Variants in UBE2E2 observed in about 807,000 individuals in gnomAD.
UBE2E2 encodes the protein ubiquitin-conjugating enzyme E2 E2.
In UBE2E2, 6 loss-of-function variants were observed where a neutral mutation model predicts 24.7. The observed-to-expected ratio is 0.24, with a 90% CI of 0.13 to 0.48. UBE2E2 has a LOEUF of 0.48. Ranked by LOEUF, UBE2E2 falls within the 20% of genes least tolerant of loss-of-function variation. UBE2E2 has a pLI of 0.99. For missense variants in UBE2E2, 169 were observed against 245.0 expected (o/e 0.69, Z 2.07); for synonymous variants, 104 against 83.6 (o/e 1.24, Z -1.33).
chr3:23,221,336 T>C (rs1011200401), intron 3 of UBE2E2, among the ~76,000 whole-genome samples: 1 of 152,230 alleles, frequency 6.6e-6, no homozygotes, highest in Non-Finnish European at 1.5e-5. Flanking sequence ...AATTCACTTA[T>C]ACTTTTAGGT....
chr3:23,342,278 G>A (rs1488254644), intron 3 of UBE2E2, among the ~76,000 whole-genome samples: 1 of 151,078 alleles, frequency 6.6e-6, no homozygotes, highest in African/African-American at 2.4e-5. Context: ...TCAAGCCCCT[G>A]GGCCCAAGTG....
chr3:23,237,560 G>T (rs961994429), intron 3 of UBE2E2, among the ~76,000 whole-genome samples: 2 of 151,866 alleles, frequency 1.3e-5, no homozygotes, highest in African/African-American at 4.8e-5. Context: ...GAGATCACAT[G>T]GACTCTTTTA....
chr3:23,211,972 A>G (rs1178467682), intron 2 of UBE2E2, among the ~76,000 whole-genome samples: 1 of 152,224 alleles, frequency 6.6e-6, no homozygotes, highest in Non-Finnish European at 1.5e-5. Flanking sequence ...TTGTTAAACT[A>G]GAAATACTCA....
intron 3 of UBE2E2, among the ~76,000 whole-genome samples, chr3:23,328,054 A>C (rs1272631556): frequency 3.0e-5 from 4 of 133,870 alleles, no homozygotes; most frequent in Non-Finnish European, 6.6e-5. Context: ...TAAACAGAGC[A>C]GTGGTCATGA....
At chr3:23,578,450 A>G (rs1447489214) in intron 5 of UBE2E2, among the ~76,000 whole-genome samples, 1 of 152,216 alleles carries the variant, frequency 6.6e-6, no homozygotes, top group Non-Finnish European at 1.5e-5. Flanking sequence ...AGGAAAATAA[A>G]TTATTTTGTT....
chr3:23,565,989 G>T (rs1696064806), intron 5 of UBE2E2, among the ~76,000 whole-genome samples: 1 of 152,134 alleles, frequency 6.6e-6, no homozygotes. Context: ...TTTGAACTTA[G>T]AGAGATGGAA....
chr3:23,410,985 G>A (rs1179789231), intron 3 of UBE2E2, among the ~76,000 whole-genome samples: 1 of 151,568 alleles, frequency 6.6e-6, no homozygotes, highest in Non-Finnish European at 1.5e-5. Context: ...CTCAAACTAG[G>A]GTATAGTTTG....
chr3:23,417,375 G>A (rs892739099), intron 3 of UBE2E2, among the ~76,000 whole-genome samples: 10 of 152,194 alleles, frequency 6.6e-5, no homozygotes, highest in African/African-American at 1.9e-4. Flanking sequence ...TATCATCAGC[G>A]GAGGCTGCAG....
chr3:23,464,212 G>T (rs1415174439), intron 3 of UBE2E2, among the ~76,000 whole-genome samples: 1 of 151,960 alleles, frequency 6.6e-6, no homozygotes, highest in African/African-American at 2.4e-5. Context: ...AGTATTTTAC[G>T]GTAGATTGGC....
chr3:23,424,948 C>G (rs145920318), intron 3 of UBE2E2, among the ~76,000 whole-genome samples: 1 of 152,214 alleles, frequency 6.6e-6, no homozygotes, highest in South Asian at 2.1e-4. Flanking sequence ...ATTGTTTCAT[C>G]CTTTTCTACT....
chr3:23,562,240 C>T (rs1695951666), intron 5 of UBE2E2, among the ~76,000 whole-genome samples: 1 of 151,956 alleles, frequency 6.6e-6, no homozygotes, highest in Non-Finnish European at 1.5e-5. Flanking sequence ...TGAGATACGT[C>T]CCATCAATAC....
chr3:23,459,823 C>T (rs1229463419), intron 3 of UBE2E2, among the ~76,000 whole-genome samples: 3 of 152,082 alleles, frequency 2.0e-5, no homozygotes, highest in Non-Finnish European at 4.4e-5. Context: ...GAATGAAGCC[C>T]CCTTTTCTTA....
chr3:23,444,307 G>T (rs1300639483), intron 3 of UBE2E2, among the ~76,000 whole-genome samples: 1 of 151,938 alleles, frequency 6.6e-6, no homozygotes, highest in East Asian at 1.9e-4. Context: ...TCTTGTGGTG[G>T]TCCAGATTGA....
intron 5 of UBE2E2, among the ~76,000 whole-genome samples, chr3:23,579,987 G>A (rs903786260): frequency 2.6e-5 from 4 of 152,178 alleles, no homozygotes; most frequent in African/African-American, 9.7e-5. Flanking sequence ...ACTAGAATTA[G>A]AGTAGTACCT....
chr3:23,270,550 G>A (rs1398263931), intron 3 of UBE2E2, among the ~76,000 whole-genome samples: 1 of 152,088 alleles, frequency 6.6e-6, no homozygotes, highest in African/African-American at 2.4e-5. Flanking sequence ...AAGTGGTTCT[G>A]GTATTCTGGC....
At chr3:23,314,367 T>G (rs574904749) in intron 3 of UBE2E2, among the ~76,000 whole-genome samples, 1 of 152,274 alleles carries the variant, frequency 6.6e-6, no homozygotes, top group African/African-American at 2.4e-5. Context: ...TGGGCTCAAG[T>G]GATCCTCTCG....
intron 5 of UBE2E2, among the ~76,000 whole-genome samples, chr3:23,566,773 C>G (rs1696084560): frequency 6.6e-6 from 1 of 152,186 alleles, no homozygotes; most frequent in Non-Finnish European, 1.5e-5. Flanking sequence ...CCACTAGGCC[C>G]TAGCTCCAAC....
chr3:23,504,908 C>CTTTTTTTTTTTTTTTTTTTTTTT (rs1694400616), intron 4 of UBE2E2, among the ~76,000 whole-genome samples: 1 of 67,214 alleles, frequency 1.5e-5, no homozygotes, highest in African/African-American at 7.4e-5. Flanking sequence ...TTCAGACATT[C>CTTTTTTTTTTTTTTTTTTTTTTT]TTTCTTTTTT....
At chr3:23,391,011 T>A (rs986659608) in intron 3 of UBE2E2, among the ~76,000 whole-genome samples, 2 of 152,258 alleles carry the variant, frequency 1.3e-5, no homozygotes, top group Non-Finnish European at 2.9e-5. Flanking sequence ...ACTTCTTCAA[T>A]GCTTATTGTT....
Sources: allele counts gnomAD v4.1 joint callset (sites outside exome capture counted in the v4.1 genomes callset), GRCh38; gene constraint gnomAD v4.1.1; transcripts MANE v1.5; gene names NCBI Gene and HGNC (gene_info 2026-07-23, HGNC 2026-07-21).